Variants in GPM6A observed in about 807,000 individuals in gnomAD.
GPM6A encodes glycoprotein M6A, also known as neuronal membrane glycoprotein M6-a.
GPM6A carries 7 observed loss-of-function variants against 32.1 expected under a neutral mutation model. The observed-to-expected ratio is 0.22, with a 90% confidence interval of 0.12 to 0.41. GPM6A has a LOEUF of 0.41. GPM6A is among the 10% of genes least tolerant of loss of function. The pLI is 1.00. For synonymous variants in GPM6A, 130 were observed against 123.4 expected, an observed-to-expected ratio of 1.05 and a Z score of -0.35; for missense variants, 235 against 347.2, an observed-to-expected ratio of 0.68 and a Z score of 2.57.
intron 1 of GPM6A, among the ~76,000 whole-genome samples, chr4:175,704,094 T>C (rs1745026341): frequency 6.6e-6 from 1 of 152,136 alleles, no homozygotes; most frequent in Admixed American, 6.5e-5. Flanking sequence ...ATGTGATAAT[T>C]GCAAAGTTCC....
At chr4:175,849,162 C>T (rs1222565530) in intron 1 of GPM6A, among the ~76,000 whole-genome samples, 1 of 152,086 alleles carries the variant, frequency 6.6e-6, no homozygotes, top group Non-Finnish European at 1.5e-5. Context: ...AAGTACAGTA[C>T]TAATTAATCT....
At chr4:175,960,838 A>G (rs1008336644) in intron 1 of GPM6A, 3 of 152,222 alleles carry the variant, frequency 2.0e-5, no homozygotes, top group Non-Finnish European at 2.9e-5. Context: ...ATCCCACAAC[A>G]TGCCACATCA....
intron 6 of GPM6A, among the ~76,000 whole-genome samples, chr4:175,639,209 T>C (rs1740993453): frequency 6.6e-6 from 1 of 152,110 alleles, no homozygotes; most frequent in Admixed American, 6.6e-5. Context: ...ATCAGTAAAA[T>C]AACCACTCTG....
intron 1 of GPM6A, among the ~76,000 whole-genome samples, chr4:175,988,468 T>C (rs1741044197): frequency 6.6e-6 from 1 of 152,188 alleles, no homozygotes; most frequent in Admixed American, 6.5e-5. Flanking sequence ...ATGAAACTTT[T>C]TGTAGTCATA....
chr4:175,685,457 T>G (rs1743927043), intron 2 of GPM6A, among the ~76,000 whole-genome samples: 1 of 152,194 alleles, frequency 6.6e-6, no homozygotes, highest in African/African-American at 2.4e-5. Flanking sequence ...CTACTATAAA[T>G]CAAGTTTACC....
At chr4:175,663,533 T>G (rs1399267227) in intron 3 of GPM6A, among the ~76,000 whole-genome samples, 1 of 152,146 alleles carries the variant, frequency 6.6e-6, no homozygotes, top group Non-Finnish European at 1.5e-5. Context: ...TTAAGTGTTC[T>G]CAATACAAAA....
In GPM6A at chr4:175,954,439, C is replaced by T. The variant is rs1475069736; in HGVS notation, c.-23+47870G>A. ...ATGAGTTTCCTTGTCTTTCTGTGCC[C>T]CAGTTTCCTCACCTGAAAAATGAAA... is the stretch of plus-strand genomic sequence containing the variant. On this transcript the variant is annotated intron_variant, in intron 1 of 7. Coordinates refer to the GPM6A transcript ENST00000280187. Among the ~76,000 whole-genome samples, 3 of 152,126 alleles carry T rather than the reference C, an allele frequency of 2.0e-5. No individual in the cohort carries two copies. The East Asian group carries it at 5.8e-4, about 29-fold the overall frequency.
At chr4:175,947,266 A>G (rs1450938598) in intron 1 of GPM6A, among the ~76,000 whole-genome samples, 1 of 151,638 alleles carries the variant, frequency 6.6e-6, no homozygotes, top group African/African-American at 2.4e-5. Flanking sequence ...TTTATTTTCC[A>G]TTTGAACATT....
At chr4:175,853,248 AT>A (rs1736315103) in intron 1 of GPM6A, among the ~76,000 whole-genome samples, 1 of 152,116 alleles carries the variant, frequency 6.6e-6, no homozygotes, top group Non-Finnish European at 1.5e-5. Context: ...TAGAGTGATT[AT>A]TTCAATTCAA....
At chr4:175,897,723 C>T (rs1210774562) in intron 1 of GPM6A, among the ~76,000 whole-genome samples, 2 of 152,098 alleles carry the variant, frequency 1.3e-5, no homozygotes, top group African/African-American at 4.8e-5. Context: ...CTCTACACTC[C>T]TTTTTATTCT....
chr4:175,783,935 C>T (rs966255785), intron 1 of GPM6A, among the ~76,000 whole-genome samples: 11 of 151,652 alleles, frequency 7.3e-5, no homozygotes, highest in Non-Finnish European at 1.0e-4. Context: ...TTTGATATCC[C>T]TTCTTCTAGG....
intron 2 of GPM6A, among the ~76,000 whole-genome samples, chr4:175,683,640 TGTAA>T (rs1743807890): frequency 6.6e-6 from 1 of 151,964 alleles, no homozygotes; most frequent in Middle Eastern, 3.2e-3. Context: ...CTTAAAAGTG[TGTAA>T]GTGTGTGGCA....
At chr4:175,960,987 T>C (rs1002094509) in intron 1 of GPM6A, among the ~76,000 whole-genome samples, 15 of 152,256 alleles carry the variant, frequency 9.9e-5, no homozygotes, top group Non-Finnish European at 1.5e-4. Flanking sequence ...GAGGACATAC[T>C]GTTTAATGCA....
intron 1 of GPM6A, among the ~76,000 whole-genome samples, chr4:175,782,892 T>G (rs11133112): frequency 0.43 from 65,153 of 151,754 alleles, 15,740 homozygotes; most frequent in East Asian, 0.88. Flanking sequence ...ATTTAAGATT[T>G]TGTTGTCAAT....
chr4:175,739,940 A>C (rs1282438967), intron 1 of GPM6A, among the ~76,000 whole-genome samples: 2 of 152,114 alleles, frequency 1.3e-5, no homozygotes, highest in African/African-American at 4.8e-5. Context: ...ATTACATAAA[A>C]ATATTCTGGA....
rs1440622246 is a variant in GPM6A, at chr4:175,835,336, T to C, written c.-22-23087A>G. ...CATCTTTCTCAAAAAGCTTACCTCTTCAAGAATATGGCTGTCTTGGGGAAC... is the reference window on the plus strand; with the variant it reads ...CATCTTTCTCAAAAAGCTTACCTCTCCAAGAATATGGCTGTCTTGGGGAAC... On this transcript the variant is annotated intron_variant, in intron 1 of 7. Transcript: ENST00000280187. 2.6e-5 allele frequency among the ~76,000 whole-genome samples: 4 copies of C among 152,212 alleles called. No individual in the cohort carries two copies. The Middle Eastern group carries it at 0.01, about 388-fold the overall frequency.
At chr4:175,804,988 T>A (rs943204010) in intron 1 of GPM6A, among the ~76,000 whole-genome samples, 2 of 152,066 alleles carry the variant, frequency 1.3e-5, no homozygotes, top group South Asian at 4.2e-4. Flanking sequence ...GAGCTTGCAG[T>A]GAGCCAAGAT....
chr4:175,893,576 C>T (rs996660113), intron 1 of GPM6A, among the ~76,000 whole-genome samples: 1 of 152,152 alleles, frequency 6.6e-6, no homozygotes, highest in Admixed American at 6.5e-5. Context: ...GATCCTCCAG[C>T]ACCTTCATGG....
rs147213799 is a variant in GPM6A at position 175,957,904 on chromosome 4, T to C, written c.-23+44405A>G. ...GTTCTGTTTTGTTGTTTGTTTTTTG[T>C]TTTTTTGAGACGGAGTCTCACTGCA... On this transcript the variant is annotated intron_variant, in intron 1 of 7. Transcript: ENST00000280187. Among the ~76,000 whole-genome samples the C allele has an allele frequency of 7.3e-4, 111 of 152,198 alleles. 1 individual carries two copies. The highest frequency in any genetic ancestry group is 3.1e-3 in the South Asian group (15 of 4,824).
Sources: gnomAD v4.1 joint callset for allele counts (sites outside exome capture counted in the v4.1 genomes callset) on GRCh38, gnomAD v4.1.1 for gene constraint, MANE v1.5 for transcripts, NCBI Gene and HGNC (gene_info 2026-07-23, HGNC 2026-07-21) for gene names.